Variants in PLPPR3 observed in about 807,000 individuals in gnomAD.
PLPPR3 encodes the protein phospholipid phosphatase related 3.
In PLPPR3, 14 loss-of-function variants were observed where a neutral mutation model predicts 27.3. The observed-to-expected ratio is 0.51, with a 90% CI of 0.34 to 0.80. The LOEUF (loss-of-function observed/expected upper bound fraction) is 0.80, where lower values mean the gene tolerates loss of function less well. PLPPR3 is among the 30% of genes least tolerant of loss of function. The pLI is 0.01. For missense variants in PLPPR3, 1,287 were observed against 1,056.9 expected, an observed-to-expected ratio of 1.22 and a Z score of -3.02; for synonymous variants, 671 against 508.0, an observed-to-expected ratio of 1.32 and a Z score of -4.32.
intron 2 of PLPPR3, among the ~76,000 whole-genome samples, chr19:817,289 C>G (rs2035077128): frequency 6.6e-6 from 1 of 151,488 alleles, no homozygotes; most frequent in South Asian, 2.1e-4. Flanking sequence ...TGGCCTCAAG[C>G]CTTTTTTTTT....
chr19:820,584 A>G (rs2035129128), intron 2 of PLPPR3, among the ~76,000 whole-genome samples: 1 of 151,566 alleles, frequency 6.6e-6, no homozygotes, highest in African/African-American at 2.4e-5. Context: ...CAGTGGCATG[A>G]TCTCTGCTCA....
Position 813,467 on chromosome 19 carries a change from G to A in PLPPR3, c.1260C>T (p.Gly420=). 1 of 1,537,386 alleles carries A rather than the reference G, an allele frequency of 6.5e-7. No homozygotes were observed. Among genetic ancestry groups the A allele is most frequent in the Non-Finnish European group, 8.7e-7 (1 of 1,146,348 alleles). ...GGCTGGCGTCGTCGGGCAGCCCCAG[G>A]CCGCGGCCCTCCAGGCTCTTCTGCT... ...EWKQKSLEGR[G]LGLPDDASPG... The change falls in exon 8 of 8, where the codon GGC becomes GGT. Residue 420 remains glycine (G), a synonymous_variant. Coordinates refer to ENST00000520876, the MANE Select transcript of PLPPR3 (RefSeq NM_001270366.2). This position sits in a 1 kb window ranked among gnomAD's most constrained non-coding sequence, Gnocchi z 4.1.
intron 2 of PLPPR3, among the ~76,000 whole-genome samples, chr19:820,339 C>T (rs1023523962): frequency 3.0e-4 from 46 of 151,884 alleles, no homozygotes; most frequent in African/African-American, 7.7e-4. Context: ...ACGCAGCACA[C>T]GCCCAACTAA....
At chr19:823,120 A>AAAACAAAC (rs34107870), upstream of PLPPR3, among the ~76,000 whole-genome samples, 474 of 148,442 alleles carry the variant, frequency 3.2e-3, no homozygotes, top group African/African-American at 7.3e-3. Context: ...ACTCTGTCTC[A>AAAACAAAC]AAACAAACAA....
At chr19:821,618 G>A in intron 1 of PLPPR3, 33 bp from the exon 2 acceptor site, 6 of 1,342,218 alleles carry the variant, frequency 4.5e-6, no homozygotes, top group Non-Finnish European at 6.0e-6. Flanking sequence ...GGAGGGGGGC[G>A]CGCAGGCGGA....
At position 813,556 on chromosome 19, in the gene PLPPR3, G is replaced by A; in HGVS notation, c.1171C>T (p.Arg391Cys). 6.4e-7 allele frequency: 1 copy of A among 1,560,014 alleles called. No individual in the cohort carries two copies. Among genetic ancestry groups the A allele is most frequent in the Non-Finnish European group, 8.7e-7 (1 of 1,154,376 alleles). ...SAPSLDDPARRHMTIHVPLDA... is the reference protein window; with the variant it reads ...SAPSLDDPARCHMTIHVPLDA... ...AGCGGCACGTGGATGGTCATGTGGC[G>A]GCGCGCGGGGTCGTCCAGCGAGGGC... The change falls in exon 8 of 8, where the codon CGC (arginine) becomes TGC (cysteine). Residue 391 changes from arginine (R) to cysteine (C), a missense_variant. Physicochemically the swap from Arg to Cys is radical, Grantham distance 180 (BLOSUM62 -3). Coordinates refer to ENST00000520876, the MANE Select transcript of PLPPR3 (RefSeq NM_001270366.2). This position sits in a 1 kb window ranked among gnomAD's most constrained non-coding sequence, Gnocchi z 4.1.
intron 2 of PLPPR3, among the ~76,000 whole-genome samples, chr19:817,988 T>G (rs941295874): frequency 1.3e-5 from 2 of 152,054 alleles, no homozygotes; most frequent in Non-Finnish European, 2.9e-5. Context: ...ACTATCTACT[T>G]GTTCTCTCCA....
At position 821,938 on chromosome 19, in the gene PLPPR3, A is replaced by G. The variant is rs1384817512; in HGVS notation, c.-50T>C. The G allele has an allele frequency of 6.1e-6, 1 of 164,194 alleles. No individual in the cohort carries two copies. The highest frequency in any genetic ancestry group is 1.3e-5 in the Non-Finnish European group (1 of 76,560). 10.2% of individuals were successfully genotyped at this position (164,194 alleles called of 1,614,324 possible). On this transcript the variant is annotated 5_prime_UTR_variant, in exon 1 of 8. Coordinates refer to ENST00000520876, the MANE Select transcript of PLPPR3 (RefSeq NM_001270366.2). ...ACCTGGCGCGGCCGGCGCCCAGCAC[A>G]AAGCGCGTCTCCTCCGTGGGGCGGG...
Position 815,216 on chromosome 19 carries a change from A to C in PLPPR3, c.373T>G (p.Ser125Ala), listed in dbSNP as rs1202610998. The change falls in exon 4 of 8, where the codon TCC becomes GCC. Residue 125 changes from serine (S) to alanine (A), a missense_variant. Ser to Ala is a moderately conservative substitution (Grantham distance 99). Coordinates refer to ENST00000520876, the MANE Select transcript of PLPPR3 (RefSeq NM_001270366.2). ...SINAGGCNFN[S>A]FLRRTVRFVG... Reference sequence around the variant, plus strand: ...AACCGCACCGTACGCCGCAGGAAGGAGTTGAAGTTGCAGCCGCCGGCGTTG... The same window carrying C: ...AACCGCACCGTACGCCGCAGGAAGGCGTTGAAGTTGCAGCCGCCGGCGTTG... 6.2e-7 allele frequency: 1 copy of C among 1,600,846 alleles called. No homozygotes were observed. The highest frequency in any genetic ancestry group is 1.3e-5 in the African/African-American group (1 of 74,538).
chr19:818,257 C>T (rs2035092185), intron 2 of PLPPR3, among the ~76,000 whole-genome samples: 1 of 151,898 alleles, frequency 6.6e-6, no homozygotes, highest in Non-Finnish European at 1.5e-5. Flanking sequence ...GTGGTGCGTG[C>T]CTGTAGTCTC....
intron 2 of PLPPR3, among the ~76,000 whole-genome samples, chr19:817,814 T>C (rs2035084307): frequency 6.6e-6 from 1 of 152,112 alleles, no homozygotes; most frequent in African/African-American, 2.4e-5. Flanking sequence ...GTAGCAGCGT[T>C]TGTTTGCACC....
At chr19:815,440 C>T (rs2035036925) in intron 3 of PLPPR3, 113 bp from the exon 4 acceptor site, 10 of 1,244,220 alleles carry the variant, frequency 8.0e-6, no homozygotes, top group Non-Finnish European at 9.5e-6. Context: ...TGGATGTTCA[C>T]CGAGGTGGCG....
rs756646837 is a variant in PLPPR3, at chr19:814,545, G to A, written c.720C>T (p.Ala240=). 1 of 1,612,178 alleles carries A rather than the reference G, an allele frequency of 6.2e-7. No homozygotes were observed. The highest frequency in any genetic ancestry group is 2.2e-5 in the East Asian group (1 of 44,874). ...TKLLKPILVF[A]FAIAAGVCGL... ...CGCATACGCCCGCGGCGATGGCAAA[G>A]GCGAAGACCAGGATGGGCTTCAGCA... Residue 240 remains alanine, a synonymous_variant, in exon 7 of 8, where the codon GCC becomes GCT. Transcript: ENST00000520876.
intron 2 of PLPPR3, among the ~76,000 whole-genome samples, chr19:819,403 C>T (rs1312062406): frequency 6.6e-6 from 1 of 151,662 alleles, no homozygotes; most frequent in Non-Finnish European, 1.5e-5. Context: ...GCCTCAGCCT[C>T]CCGAGTAGAT....
chr19:814,692 C>G lies in PLPPR3; in HGVS notation c.657G>C (p.Ser219=). The part of the protein sequence containing the change: ...TLSAFAAVYV[S]MYFNSVISDT... ...AAGGGCAGTGAGGGGCCGGACTCAC[C>G]GACACATAGACCGCGGCGAAGGCTG... The change falls in exon 6 of 8, where the codon TCG becomes TCC. Residue 219 remains serine, a splice_region_variant and synonymous_variant. Coordinates refer to ENST00000520876, the MANE Select transcript of PLPPR3 (RefSeq NM_001270366.2). The G allele has an allele frequency of 6.2e-7, 1 of 1,601,848 alleles. No homozygotes were observed. The highest frequency in any genetic ancestry group is 8.5e-7 in the Non-Finnish European group (1 of 1,177,528).
Position 813,053 on chromosome 19 carries a change from C to T in PLPPR3, c.1674G>A (p.Ser558=), listed in dbSNP as rs1463579603. 3 of 1,506,090 alleles carry T rather than the reference C, an allele frequency of 2.0e-6. No homozygotes were observed. Among genetic ancestry groups the T allele is most frequent in the South Asian group, 2.5e-5 (2 of 81,258 alleles). The allele number at this position is 1,506,090 out of a possible 1,614,324, so 93.3% of individuals were successfully genotyped here. A position where few individuals can be genotyped will look rare whatever the true frequency, so the allele number is the denominator to read the frequency against. The change falls in exon 8 of 8, where the codon TCG becomes TCA. Residue 558 remains serine (S), a synonymous_variant. Transcript: ENST00000520876. The surrounding 1 kb of genome is among the most constrained non-coding windows in gnomAD (Gnocchi z 4.1). ...AGGAGTCGGAGCTGGCGCTGGACGA[C>T]GACGCCGTCTCGGCCGCCTTGGGGC... ...APGPKAAETA[S]SSSASSDSSQ...
Position 812,927 on chromosome 19 carries a change from C to T in PLPPR3, c.1800G>A (p.Ala600=), listed in dbSNP as rs954455954. ...HPVVHLSAGG[A]PWEWKAAGGG... is the part of the protein sequence containing the mutation. ...CGCCCGCCGCCTTCCACTCCCAGGG[C>T]GCGCCGCCGGCCGACAGGTGCACCA... The change falls in exon 8 of 8, where the codon GCG becomes GCA. Residue 600 remains alanine (A), a synonymous_variant. Coordinates refer to ENST00000520876, the MANE Select transcript of PLPPR3 (RefSeq NM_001270366.2). 4 of 1,335,562 alleles carry T rather than the reference C, an allele frequency of 3.0e-6. No homozygotes were observed. Among genetic ancestry groups the T allele is most frequent in the African/African-American group, 3.2e-5 (2 of 63,006 alleles). 82.7% of individuals were successfully genotyped at this position (1,335,562 alleles called of 1,614,324 possible).
chr19:820,822 C>T (rs572882568), intron 2 of PLPPR3, among the ~76,000 whole-genome samples: 1 of 151,332 alleles, frequency 6.6e-6, no homozygotes, highest in Non-Finnish European at 1.5e-5. Context: ...AGTGCCCAGC[C>T]TAATTTTTGT....
chr19:823,780 G>T (rs182446530), upstream of PLPPR3, among the ~76,000 whole-genome samples: 1 of 152,340 alleles, frequency 6.6e-6, no homozygotes, highest in Admixed American at 6.5e-5. Flanking sequence ...CTCCCCAACA[G>T]CCCTGGAGAA....
Sources: gnomAD v4.1 joint callset for allele counts (sites outside exome capture counted in the v4.1 genomes callset) on GRCh38, gnomAD v4.1.1 for gene constraint, Gnocchi (gnomAD v3.1) non-coding constraint, MANE v1.5 for transcripts, NCBI Gene and HGNC (gene_info 2026-07-23, HGNC 2026-07-21) for gene names.